The following DPP10 variants were observed in gnomAD, a reference collection of about 807,000 sequenced individuals.
DPP10 encodes the protein dipeptidyl peptidase like 10, also known as inactive dipeptidyl peptidase 10.
In DPP10, 33 loss-of-function variants were observed where a neutral mutation model predicts 120.9. That is an observed-to-expected ratio of 0.27 (90% CI 0.21 to 0.37). The LOEUF (loss-of-function observed/expected upper bound fraction) is 0.37, where lower values mean the gene tolerates loss of function less well. Among genes scored for constraint, DPP10 ranks in the 10% least tolerant of loss-of-function variants. The probability of loss-of-function intolerance (pLI) is 1.00; values close to 1 mark genes in which losing one functional copy is unlikely to be tolerated. For missense variants in DPP10, 816 were observed against 942.8 expected, an observed-to-expected ratio of 0.87 and a Z score of 1.76; for synonymous variants, 337 against 326.1, an observed-to-expected ratio of 1.03 and a Z score of -0.36.
chr2:114,848,834 T>C (rs1178389002), intron 1 of DPP10, among the ~76,000 whole-genome samples: 1 of 152,168 alleles, frequency 6.6e-6, no homozygotes, highest in African/African-American at 2.4e-5. Flanking sequence ...CAAAATAGCT[T>C]ACACTGGGTG....
At chr2:114,729,888 A>G (rs1265925382) in intron 1 of DPP10, among the ~76,000 whole-genome samples, 1 of 152,216 alleles carries the variant, frequency 6.6e-6, no homozygotes, top group South Asian at 2.1e-4. Flanking sequence ...TAATTCCTTA[A>G]AAATGGACCA....
chr2:115,012,105 C>T (rs1049497704), intron 1 of DPP10, among the ~76,000 whole-genome samples: 5 of 152,036 alleles, frequency 3.3e-5, no homozygotes, highest in Non-Finnish European at 7.4e-5. Context: ...AACCACACCC[C>T]GTCCTCCACA....
intron 3 of DPP10, among the ~76,000 whole-genome samples, chr2:115,382,082 C>T (rs1048446019): frequency 2.0e-5 from 3 of 152,180 alleles, no homozygotes; most frequent in Admixed American, 2.0e-4. Flanking sequence ...GGGCTCCACC[C>T]AGTTCAGTTG....
rs150743654 is a variant in DPP10 at position 115,630,701 on chromosome 2, T to C, written c.442-58986T>C. Among the ~76,000 whole-genome samples the C allele has an allele frequency of 5.4e-3, 817 of 152,334 alleles. 7 individuals are homozygous for C. Among genetic ancestry groups the C allele is most frequent in the African/African-American group, 0.019 (790 of 41,570 alleles). ...ATTTAGTTCTGTTTATGTGATGAATTACATTTATTGATTTGCATATGTTGA... is the reference window on the plus strand; with the variant it reads ...ATTTAGTTCTGTTTATGTGATGAATCACATTTATTGATTTGCATATGTTGA... On this transcript the variant is annotated intron_variant, in intron 5 of 25. Transcript: ENST00000410059.
chr2:115,067,194 G>A (rs927294312), intron 1 of DPP10, among the ~76,000 whole-genome samples: 4 of 151,974 alleles, frequency 2.6e-5, no homozygotes, highest in African/African-American at 9.7e-5. Context: ...TTAACATAAT[G>A]TTTTCTATGG....
intron 1 of DPP10, among the ~76,000 whole-genome samples, chr2:114,858,031 C>A (rs1186723619): frequency 6.6e-6 from 1 of 152,080 alleles, no homozygotes; most frequent in Non-Finnish European, 1.5e-5. Context: ...GCTCTGTCGC[C>A]CAGGCTGGAG....
At chr2:115,414,883 G>C (rs1485528159) in intron 3 of DPP10, among the ~76,000 whole-genome samples, 2 of 149,084 alleles carry the variant, frequency 1.3e-5, no homozygotes, top group Non-Finnish European at 3.0e-5. Context: ...CCAGGAAAAG[G>C]CTTGGAAGGT....
intron 7 of DPP10, among the ~76,000 whole-genome samples, chr2:115,708,309 T>C (rs891215401): frequency 2.6e-5 from 4 of 152,016 alleles, no homozygotes; most frequent in Non-Finnish European, 1.5e-5. Flanking sequence ...CAACTGTGAC[T>C]TGGACCTTAA....
intron 5 of DPP10, among the ~76,000 whole-genome samples, chr2:115,571,528 C>G (rs1056419941): frequency 6.6e-6 from 1 of 151,968 alleles, no homozygotes; most frequent in East Asian, 1.9e-4. Context: ...TAATTGTTGC[C>G]AACATCTTTA....
intron 1 of DPP10, among the ~76,000 whole-genome samples, chr2:114,600,846 G>T (rs1405448873): frequency 6.6e-6 from 1 of 151,814 alleles, no homozygotes; most frequent in Admixed American, 6.6e-5. Context: ...GAGAGTGATA[G>T]GTTAAAAGAG....
At chr2:115,387,421 G>GA (rs1300367774) in intron 3 of DPP10, among the ~76,000 whole-genome samples, 2 of 152,064 alleles carry the variant, frequency 1.3e-5, no homozygotes, top group East Asian at 3.9e-4. Flanking sequence ...TAGGCATCTG[G>GA]AAAAAAATTA....
chr2:115,769,260 C>T (rs1333828565), intron 13 of DPP10, among the ~76,000 whole-genome samples: 1 of 151,988 alleles, frequency 6.6e-6, no homozygotes, highest in African/African-American at 2.4e-5. Context: ...AGAGTAATTT[C>T]ATACTTACAA....
At chr2:114,899,909 A>C (rs1267655971) in intron 1 of DPP10, among the ~76,000 whole-genome samples, 1 of 152,200 alleles carries the variant, frequency 6.6e-6, no homozygotes, top group African/African-American at 2.4e-5. Context: ...GCAGTGAGCC[A>C]AGATCGCACC....
chr2:114,834,316 G>C (rs1402782204), intron 1 of DPP10, among the ~76,000 whole-genome samples: 4 of 150,750 alleles, frequency 2.7e-5, no homozygotes, highest in African/African-American at 9.8e-5. Context: ...GTATATATAA[G>C]CCATGTCTAC....
At chr2:115,807,854 G>A (rs79152018) in intron 19 of DPP10, among the ~76,000 whole-genome samples, 26,369 of 150,264 alleles carry the variant, frequency 0.18, 3,065 homozygotes, top group Admixed American at 0.31. Flanking sequence ...TTAAAAACAC[G>A]AAAAATTCTG....
rs150014812 is a variant in DPP10 at position 114,898,760 on chromosome 2, T to C, written c.61-410479T>C. On this transcript the variant is annotated intron_variant, in intron 1 of 25. Transcript: ENST00000410059. ...CACAAGAATGCAGCTCTCAAAGATA[T>C]CGTGTTGCTTTTAACCATTTTCTCC... 4.6e-5 allele frequency among the ~76,000 whole-genome samples: 7 copies of C among 152,316 alleles called. No homozygotes were observed. In the East Asian group the frequency reaches 1.2e-3, roughly 25 times the overall value.
At chr2:115,529,192 G>A (rs370435814) in intron 5 of DPP10, among the ~76,000 whole-genome samples, 2 of 151,412 alleles carry the variant, frequency 1.3e-5, no homozygotes, top group Non-Finnish European at 2.9e-5. Context: ...GAGGGAGGCC[G>A]AGAGTTTCAC....
intron 5 of DPP10, among the ~76,000 whole-genome samples, chr2:115,609,477 A>C (rs1289247937): frequency 1.3e-5 from 2 of 152,146 alleles, no homozygotes; most frequent in East Asian, 1.9e-4. Flanking sequence ...ATTTTTTAGC[A>C]GTCCCAGAGA....
At chr2:115,785,155 G>C (rs1683187500) in intron 17 of DPP10, among the ~76,000 whole-genome samples, 1 of 152,174 alleles carries the variant, frequency 6.6e-6, no homozygotes, top group African/African-American at 2.4e-5. Flanking sequence ...TAGGCAACTG[G>C]AAAGAGGGAG....
Sources: allele counts gnomAD v4.1 joint callset (sites outside exome capture counted in the v4.1 genomes callset), GRCh38; gene constraint gnomAD v4.1.1; transcripts MANE v1.5; gene names NCBI Gene and HGNC (gene_info 2026-07-23, HGNC 2026-07-21).